The following SMIM35 variants were observed in gnomAD, a reference collection of about 807,000 sequenced individuals.
The protein encoded by SMIM35 is small integral membrane protein 35.
chr11:118,080,013 C>T (rs188197428), intron 1 of SMIM35, among the ~76,000 whole-genome samples: 3 of 152,186 alleles, frequency 2.0e-5, no homozygotes, highest in Non-Finnish European at 4.4e-5. Flanking sequence ...ACTCCCCCCC[C>T]ACCAAAAGAA....
chr11:118,015,568 C>T lies in SMIM35; in HGVS notation c.124+125G>A, dbSNP rs531591351. 7.6e-6 allele frequency: 3 copies of T among 396,362 alleles called. No homozygotes were observed. The East Asian group carries it at 1.1e-4, about 14-fold the overall frequency. 24.6% of individuals were successfully genotyped at this position (396,362 alleles called of 1,614,324 possible). ...CACTCAAGTCTTCAACCACTGCAAC[C>T]ACCACAGGAAATATTTTTCATCCCA... On this transcript the variant is annotated intron_variant, in intron 2 of 4. Coordinates refer to ENST00000689828, the MANE Select transcript of SMIM35 (RefSeq NM_001394165.1).
chr11:118,048,045 G>A (rs1418286350), intron 1 of SMIM35, among the ~76,000 whole-genome samples: 2 of 152,168 alleles, frequency 1.3e-5, no homozygotes, highest in African/African-American at 4.8e-5. Context: ...GGGTGCATCC[G>A]TTGGTAACAT....
chr11:118,056,732 T>C (rs138486551), intron 1 of SMIM35, among the ~76,000 whole-genome samples: 12 of 152,014 alleles, frequency 7.9e-5, no homozygotes, highest in Non-Finnish European at 1.3e-4. Context: ...ACGGAGAAGA[T>C]CCAGACAGGG....
chr11:118,042,120 A>AAAT (rs35261671), intron 1 of SMIM35, among the ~76,000 whole-genome samples: 74,164 of 145,114 alleles, frequency 0.51, 19,643 homozygotes, highest in East Asian at 0.75. Flanking sequence ...AGAAGAAAGG[A>AAAT]AATAAAGCTT....
intron 1 of SMIM35, among the ~76,000 whole-genome samples, chr11:118,072,842 G>T (rs1480944741): frequency 6.6e-6 from 1 of 152,244 alleles, no homozygotes; most frequent in Non-Finnish European, 1.5e-5. Context: ...CACATTTTGT[G>T]AAATGAATGG....
At chr11:118,074,459 G>A (rs1483300374) in intron 1 of SMIM35, among the ~76,000 whole-genome samples, 1 of 152,092 alleles carries the variant, frequency 6.6e-6, no homozygotes, top group African/African-American at 2.4e-5. Flanking sequence ...GAGAATGGGG[G>A]TTCTGGGCCG....
At chr11:118,011,326 C>G (rs77076362) in intron 4 of SMIM35, among the ~76,000 whole-genome samples, 2 of 152,176 alleles carry the variant, frequency 1.3e-5, no homozygotes, top group African/African-American at 2.4e-5. Flanking sequence ...TGAGCACTTC[C>G]GGGGGCCTAG....
intron 1 of SMIM35, among the ~76,000 whole-genome samples, chr11:118,080,285 G>A (rs1945019803): frequency 6.6e-6 from 1 of 152,244 alleles, no homozygotes; most frequent in Admixed American, 6.5e-5. Flanking sequence ...TCCAGGCAGG[G>A]AAAGCAGGAA....
chr11:118,042,941 A>G (rs1944029807), intron 1 of SMIM35, among the ~76,000 whole-genome samples: 1 of 152,250 alleles, frequency 6.6e-6, no homozygotes, highest in Admixed American at 6.5e-5. Flanking sequence ...ATTTGACAAA[A>G]TCAAACACTC....
At chr11:118,027,307 G>A (rs758042835) in intron 1 of SMIM35, among the ~76,000 whole-genome samples, 16 of 150,376 alleles carry the variant, frequency 1.1e-4, no homozygotes, top group Non-Finnish European at 2.4e-4. Context: ...GATTACAGGC[G>A]TGAGCCACCG....
At chr11:118,015,841 C>A (rs1375202496) in intron 1 of SMIM35, 32 bp from the exon 2 acceptor site, 1 of 399,202 alleles carries the variant, frequency 2.5e-6, no homozygotes, top group Non-Finnish European at 4.4e-6. Flanking sequence ...CACCCTCCCA[C>A]AGCCCCCTGC....
chr11:118,071,410 C>T (rs652030), intron 1 of SMIM35, among the ~76,000 whole-genome samples: 113,931 of 152,168 alleles, frequency 0.75, 42,854 homozygotes, highest in Admixed American at 0.8. Context: ...AAATCCTTTC[C>T]AGAAAGCTAG....
At chr11:118,032,208 C>T (rs562929022) in intron 1 of SMIM35, among the ~76,000 whole-genome samples, 2 of 152,270 alleles carry the variant, frequency 1.3e-5, no homozygotes, top group Admixed American at 6.5e-5. Flanking sequence ...TGAATTGTAT[C>T]CTTTTGCTGT....
intron 1 of SMIM35, among the ~76,000 whole-genome samples, chr11:118,030,287 A>C (rs2058307640): frequency 6.6e-6 from 1 of 152,116 alleles, no homozygotes; most frequent in Non-Finnish European, 1.5e-5. Context: ...CACCCGCCTC[A>C]GCCACCTAAA....
At chr11:118,041,288 T>C (rs1188617247) in intron 1 of SMIM35, among the ~76,000 whole-genome samples, 1 of 152,138 alleles carries the variant, frequency 6.6e-6, no homozygotes, top group Non-Finnish European at 1.5e-5. Flanking sequence ...ATAGAAGATT[T>C]GAACAACACT....
intron 1 of SMIM35, among the ~76,000 whole-genome samples, chr11:118,063,234 G>A (rs1186443542): frequency 2.6e-5 from 4 of 152,074 alleles, no homozygotes; most frequent in East Asian, 1.9e-4. Flanking sequence ...CCTTTGCACC[G>A]CAGACTTGCC....
Position 118,086,926 on chromosome 11 carries a change from G to A in SMIM35, c.-169C>T, listed in dbSNP as rs1945600649. 1 of 152,538 alleles carries A rather than the reference G, an allele frequency of 6.6e-6. No homozygotes were observed. Among genetic ancestry groups the A allele is most frequent in the African/African-American group, 2.4e-5 (1 of 41,448 alleles). The allele number at this position is 152,538 out of a possible 1,614,324, so 9.4% of individuals were successfully genotyped here. A position where few individuals can be genotyped will look rare whatever the true frequency, so the allele number is the denominator to read the frequency against. ...GAGGCTCCCTCAGAGGAGCACTGTGGCCGGGCCCCACTCTGCAAGCTGACG... is the reference window on the plus strand; with the variant it reads ...GAGGCTCCCTCAGAGGAGCACTGTGACCGGGCCCCACTCTGCAAGCTGACG... On this transcript the variant is annotated 5_prime_UTR_variant, in exon 1 of 5. Transcript: ENST00000689828.
chr11:118,043,966 T>C (rs1944049264), intron 1 of SMIM35, among the ~76,000 whole-genome samples: 1 of 151,840 alleles, frequency 6.6e-6, no homozygotes, highest in Non-Finnish European at 1.5e-5. Context: ...TGCATGAATA[T>C]ATTAAAAACA....
intron 1 of SMIM35, among the ~76,000 whole-genome samples, chr11:118,084,617 A>G (rs1187408540): frequency 6.6e-6 from 1 of 152,210 alleles, no homozygotes; most frequent in African/African-American, 2.4e-5. Flanking sequence ...GAACCACAGC[A>G]CAGACCCTCC....
Sources: gnomAD v4.1 joint callset for allele counts (sites outside exome capture counted in the v4.1 genomes callset) on GRCh38, gnomAD v4.1.1 for gene constraint, MANE v1.5 for transcripts, NCBI Gene and HGNC (gene_info 2026-07-23, HGNC 2026-07-21) for gene names.